ZYG11A: variants seen among roughly 807,000 people sequenced by gnomAD.
ZYG11A encodes protein zyg-11 homolog A.
Under a neutral mutation model 77.2 loss-of-function variants are expected in ZYG11A, and 62 were observed. That is an observed-to-expected ratio of 0.80 (90% CI 0.65 to 0.99). ZYG11A has a LOEUF of 0.99. ZYG11A is among the 50% of genes least tolerant of loss of function. The pLI, the probability that ZYG11A is intolerant of heterozygous loss-of-function variation, is 0.00. For synonymous variants in ZYG11A, 315 were observed against 324.6 expected (o/e 0.97, Z 0.32); for missense variants, 828 against 896.8 (o/e 0.92, Z 0.98).
intron 1 of ZYG11A, among the ~76,000 whole-genome samples, chr1:52,851,939 G>C (rs934227396): frequency 1.3e-5 from 2 of 148,728 alleles, no homozygotes; most frequent in Non-Finnish European, 3.0e-5. Context: ...TTTAATGATG[G>C]AGTCTTGCAC....
chr1:52,880,183 CAT>C (rs1401573372), intron 10 of ZYG11A, among the ~76,000 whole-genome samples: 2 of 147,080 alleles, frequency 1.4e-5, no homozygotes, highest in East Asian at 2.0e-4. Context: ...TAGGGGGTAA[CAT>C]ATGATAGACT....
intron 1 of ZYG11A, among the ~76,000 whole-genome samples, chr1:52,843,288 C>T (rs1047040252): frequency 9.2e-5 from 14 of 152,204 alleles, no homozygotes; most frequent in African/African-American, 3.1e-4. Context: ...GATTCCTCGC[C>T]CCAGTGCGGG....
At chr1:52,882,436 A>G (rs1646379069) in intron 11 of ZYG11A, among the ~76,000 whole-genome samples, 1 of 152,130 alleles carries the variant, frequency 6.6e-6, no homozygotes, top group Non-Finnish European at 1.5e-5. Context: ...TACACCGTAT[A>G]TGGTGGACTG....
At chr1:52,892,407 A>T (rs1042566046) in intron 13 of ZYG11A, among the ~76,000 whole-genome samples, 1 of 151,396 alleles carries the variant, frequency 6.6e-6, no homozygotes, top group Non-Finnish European at 1.5e-5. Flanking sequence ...GCATGCCTGT[A>T]ATCCCAGCTA....
rs529080670 is a variant in ZYG11A at position 52,842,881 on chromosome 1, G to T, written c.-3G>T. 9.1e-6 allele frequency: 14 copies of T among 1,531,040 alleles called. No homozygotes were observed. Among genetic ancestry groups the T allele is most frequent in the Middle Eastern group, 1.7e-4 (1 of 5,914 alleles). The allele number at this position is 1,531,040 out of a possible 1,614,324, so 94.8% of individuals were successfully genotyped here. A position where few individuals can be genotyped will look rare whatever the true frequency, so the allele number is the denominator to read the frequency against. ...TTTTTGACGCCCCGCCGCCGGGGTT[G>T]CCATGGTTCATTTCTTGCACCCGGG... On this transcript the variant is annotated 5_prime_UTR_variant, in exon 1 of 14. Coordinates refer to ENST00000371528, the MANE Select transcript of ZYG11A (RefSeq NM_001004339.3).
At chr1:52,876,625 C>A (rs562175967) in intron 8 of ZYG11A, among the ~76,000 whole-genome samples, 1 of 152,294 alleles carries the variant, frequency 6.6e-6, no homozygotes, top group Admixed American at 6.5e-5. Context: ...AGGCTCACTT[C>A]CCCTGCTCCT....
chr1:52,854,445 T>C lies in ZYG11A; in HGVS notation c.91-20T>C. 1.3e-6 allele frequency: 2 copies of C among 1,520,812 alleles called. No homozygotes were observed. The highest frequency in any genetic ancestry group is 1.8e-6 in the Non-Finnish European group (2 of 1,125,334). The allele number at this position is 1,520,812 out of a possible 1,614,324, so 94.2% of individuals were successfully genotyped here. A position where few individuals can be genotyped will look rare whatever the true frequency, so the allele number is the denominator to read the frequency against. ...TGCAGATGTATTCTAACAAAGTTTG[T>C]TTGGGGTTTTGTTTGCTAGGAAGAG... On this transcript the variant is annotated intron_variant, in intron 1 of 13. Coordinates refer to ENST00000371528, the MANE Select transcript of ZYG11A (RefSeq NM_001004339.3).
chr1:52,842,896 T>C lies in ZYG11A; in HGVS notation c.13T>C (p.Leu5=). MVHF[L]HPGHTPRNIV... ...CGCCGGGGTTGCCATGGTTCATTTCTTGCACCCGGGCCACACGCCCCGGAA... is the reference window on the plus strand; with the variant it reads ...CGCCGGGGTTGCCATGGTTCATTTCCTGCACCCGGGCCACACGCCCCGGAA... Residue 5 remains leucine, a synonymous_variant, in exon 1 of 14, where the codon TTG becomes CTG. Transcript: ENST00000371528. The C allele has an allele frequency of 5.2e-6, 8 of 1,532,148 alleles. No homozygotes were observed. The highest frequency in any genetic ancestry group is 7.0e-6 in the Non-Finnish European group (8 of 1,138,882). 94.9% of individuals were successfully genotyped at this position (1,532,148 alleles called of 1,614,324 possible). A position where few individuals can be genotyped will look rare whatever the true frequency, so the allele number is the denominator to read the frequency against.
chr1:52,863,675 G>T (rs1181169206), intron 4 of ZYG11A, among the ~76,000 whole-genome samples: 2 of 152,196 alleles, frequency 1.3e-5, no homozygotes, highest in Non-Finnish European at 2.9e-5. Context: ...GTCCCCTGCA[G>T]TACCTGTCAC....
At chr1:52,878,151 C>T (rs1317555770) in intron 10 of ZYG11A, among the ~76,000 whole-genome samples, 182 bp downstream of exon 10, 1 of 152,192 alleles carries the variant, frequency 6.6e-6, no homozygotes, top group Non-Finnish European at 1.5e-5. Flanking sequence ...TGTGAACAAA[C>T]TATAGCTTAG....
chr1:52,856,767 T>G (rs552590799), intron 2 of ZYG11A, among the ~76,000 whole-genome samples: 54 of 152,334 alleles, frequency 3.5e-4, no homozygotes, highest in African/African-American at 1.3e-3. Flanking sequence ...TATTCAAGTT[T>G]CAGTTTCCTC....
chr1:52,884,943 G>T (rs1464309815), intron 11 of ZYG11A, among the ~76,000 whole-genome samples: 1 of 149,368 alleles, frequency 6.7e-6, no homozygotes, highest in African/African-American at 2.5e-5. Context: ...TCGCTCTGTT[G>T]TCCAGGCTGG....
chr1:52,854,745 G>T lies in ZYG11A; in HGVS notation c.256+115G>T, dbSNP rs1032170506. ...AAAGTATTTCCATTTCATTTGTCTG[G>T]AAGTTGAGACTCACTCTTTCTGGGA... On this transcript the variant is annotated intron_variant, in intron 2 of 13. Transcript: ENST00000371528. 1.4e-5 allele frequency: 16 copies of T among 1,115,194 alleles called. No individual in the cohort carries two copies. In the South Asian group the frequency reaches 3.2e-4, roughly 23 times the overall value. The allele number at this position is 1,115,194 out of a possible 1,614,324, so 69.1% of individuals were successfully genotyped here.
chr1:52,893,178 T>C lies in ZYG11A; in HGVS notation c.*221T>C. On this transcript the variant is annotated 3_prime_UTR_variant, in exon 14 of 14. Transcript: ENST00000371528. ...GCCTTTCAGCAGCAATTTTGAAGAC[T>C]CAAACCGTGGACTCTGGGAAGGCCT... 2 of 500,938 alleles carry C rather than the reference T, an allele frequency of 4.0e-6. No individual in the cohort carries two copies. Among genetic ancestry groups the C allele is most frequent in the Non-Finnish European group, 7.1e-6 (2 of 281,012 alleles). The allele number at this position is 500,938 out of a possible 1,614,324, so 31.0% of individuals were successfully genotyped here.
chr1:52,869,920 C>A (rs1341448873), intron 8 of ZYG11A, among the ~76,000 whole-genome samples: 45 of 68,398 alleles, frequency 6.6e-4, no homozygotes, highest in Non-Finnish European at 1.5e-3. Flanking sequence ...TGACCCCCCC[C>A]ACACCTCCCT....
At chr1:52,858,109 G>C (rs1645852618) in intron 3 of ZYG11A, among the ~76,000 whole-genome samples, 2 of 149,718 alleles carry the variant, frequency 1.3e-5, no homozygotes, top group South Asian at 4.3e-4. Flanking sequence ...ATAATATTAA[G>C]ATACAGGCTG....
At chr1:52,852,215 GT>G (rs2149989937) in intron 1 of ZYG11A, among the ~76,000 whole-genome samples, 1 of 150,974 alleles carries the variant, frequency 6.6e-6, no homozygotes, top group South Asian at 2.1e-4. Flanking sequence ...TGCCTGGCCA[GT>G]TTTTGTATTT....
At chr1:52,846,541 TG>T (rs1178885161) in intron 1 of ZYG11A, among the ~76,000 whole-genome samples, 1 of 151,078 alleles carries the variant, frequency 6.6e-6, no homozygotes, top group Non-Finnish European at 1.5e-5. Context: ...TCAGTAGAGA[TG>T]GGGTTTCACT....
intron 3 of ZYG11A, among the ~76,000 whole-genome samples, chr1:52,860,214 ATGT>A (rs1382794416): frequency 6.6e-6 from 1 of 151,984 alleles, no homozygotes; most frequent in East Asian, 1.9e-4. Flanking sequence ...GTTGAGTCTC[ATGT>A]TGTTTTAAAA....
Sources: gnomAD v4.1 joint callset for allele counts (sites outside exome capture counted in the v4.1 genomes callset) on GRCh38, gnomAD v4.1.1 for gene constraint, MANE v1.5 for transcripts, NCBI Gene and HGNC (gene_info 2026-07-23, HGNC 2026-07-21) for gene names.